The following ADGRF5 variants were observed in gnomAD, a reference collection of about 807,000 sequenced individuals.
ADGRF5 encodes the protein adhesion G protein-coupled receptor F5.
In ADGRF5, 75 loss-of-function variants were observed where a neutral mutation model predicts 132.3. The ratio of observed to expected loss-of-function variants is 0.57; its 90% confidence interval spans 0.47 to 0.69. The LOEUF is 0.69. Among genes scored for constraint, ADGRF5 ranks in the 30% least tolerant of loss-of-function variants. The pLI is 0.00. For missense variants in ADGRF5, 1,516 were observed against 1,630.6 expected (o/e 0.93, Z 1.21); for synonymous variants, 629 against 597.6 (o/e 1.05, Z -0.77).
chr6:46,863,684 A>G (rs1770051195), intron 14 of ADGRF5, among the ~76,000 whole-genome samples: 2 of 152,164 alleles, frequency 1.3e-5, no homozygotes, highest in Non-Finnish European at 2.9e-5. Flanking sequence ...TCTCATGTCC[A>G]GTGGACCCTG....
intron 1 of ADGRF5, among the ~76,000 whole-genome samples, chr6:46,910,059 C>A (rs1443767667): frequency 6.6e-6 from 1 of 151,718 alleles, no homozygotes. Context: ...ACAATCAGTG[C>A]TTAAGATCAA....
intron 1 of ADGRF5, among the ~76,000 whole-genome samples, chr6:46,931,421 G>T (rs1458580884): frequency 6.6e-6 from 1 of 152,146 alleles, no homozygotes; most frequent in Non-Finnish European, 1.5e-5. Flanking sequence ...AGCTCTCAGG[G>T]AGCTCCCTCA....
chr6:46,926,958 G>C (rs546481648), intron 1 of ADGRF5, among the ~76,000 whole-genome samples: 1 of 152,116 alleles, frequency 6.6e-6, no homozygotes. Context: ...TCCTGGGTGC[G>C]GGCACTCTCC....
At position 46,858,397 on chromosome 6, in the gene ADGRF5, G is replaced by A. The variant is rs745513552; in HGVS notation, c.3506C>T (p.Thr1169Ile). 5 of 1,613,974 alleles carry A rather than the reference G, an allele frequency of 3.1e-6. No homozygotes were observed. The highest frequency in any genetic ancestry group is 4.2e-6 in the Non-Finnish European group (5 of 1,179,880). Residue 1169 changes from threonine (T) to isoleucine (I), a missense_variant, in exon 17 of 21, where the codon ACC (threonine) becomes ATC (isoleucine). By Grantham distance (89) the Thr-to-Ile change is moderately conservative. Coordinates refer to ENST00000283296, the MANE Select transcript of ADGRF5 (RefSeq NM_001098518.2). ...KNVCWLNWED[T>I]KALLAFAIPA... ...GATGGCGAAAGCCAGCAGGGCCTTG[G>A]TGTCCTCCCAGTTGAGCCAACAGAC... is the stretch of plus-strand genomic sequence containing the variant.
In ADGRF5 at chr6:46,878,418, C is replaced by T. The variant is rs1305605575; in HGVS notation, c.1037-13G>A. On this transcript the variant is annotated splice_polypyrimidine_tract_variant and intron_variant, in intron 9 of 20. Transcript: ENST00000283296. ...CAAACATATTCACCTGCATAAAATACACAAAATCATGTATTATTATAACAC... is the reference window on the plus strand; with the variant it reads ...CAAACATATTCACCTGCATAAAATATACAAAATCATGTATTATTATAACAC... 16 of 1,483,616 alleles carry T rather than the reference C, an allele frequency of 1.1e-5. No individual in the cohort carries two copies. Among genetic ancestry groups the T allele is most frequent in the Non-Finnish European group, 1.4e-5 (15 of 1,064,260 alleles). The allele number at this position is 1,483,616 out of a possible 1,614,324, so 91.9% of individuals were successfully genotyped here.
intron 10 of ADGRF5, among the ~76,000 whole-genome samples, chr6:46,874,795 G>T (rs1275789527): frequency 6.6e-6 from 1 of 152,182 alleles, no homozygotes; most frequent in Non-Finnish European, 1.5e-5. Flanking sequence ...CTCCACTTTG[G>T]TCTGCTTTAC....
intron 3 of ADGRF5, among the ~76,000 whole-genome samples, chr6:46,896,314 C>T (rs1204844937): frequency 1.3e-5 from 2 of 152,140 alleles, no homozygotes; most frequent in African/African-American, 4.8e-5. Flanking sequence ...ACTCATTGTC[C>T]TAACAGGCAG....
intron 3 of ADGRF5, among the ~76,000 whole-genome samples, chr6:46,896,684 CATACATATGTG>C (rs1774213808): frequency 6.6e-6 from 1 of 151,390 alleles, no homozygotes; most frequent in African/African-American, 2.4e-5. Flanking sequence ...GTAAATGTGA[CATACATATGTG>C]ATACATATAT....
At chr6:46,925,265 T>C (rs1777190846), upstream of ADGRF5, among the ~76,000 whole-genome samples, 1 of 152,172 alleles carries the variant, frequency 6.6e-6, no homozygotes, top group Non-Finnish European at 1.5e-5. Flanking sequence ...ACAGATTTCC[T>C]CAAGACTCAC....
Position 46,884,128 on chromosome 6 carries a change from G to C in ADGRF5, c.472C>G (p.Pro158Ala). 1 of 1,614,088 alleles carries C rather than the reference G, an allele frequency of 6.2e-7. No individual in the cohort carries two copies. The highest frequency in any genetic ancestry group is 8.5e-7 in the Non-Finnish European group (1 of 1,179,944). Residue 158 changes from proline (P) to alanine (A), a missense_variant, in exon 5 of 21, where the codon CCT becomes GCT. Transcript: ENST00000283296. ...AGCAGGCAAAAAGGTCCATTGGGAGGCAGTTCTTTAAGGCAACTGCAATGG... is the reference window on the plus strand; with the variant it reads ...AGCAGGCAAAAAGGTCCATTGGGAGCCAGTTCTTTAAGGCAACTGCAATGG... ...GHHCSCLKEL[P>A]PNGPFCLLQE...
chr6:46,938,509 G>A (rs908155625), intron 1 of ADGRF5, among the ~76,000 whole-genome samples: 5 of 152,202 alleles, frequency 3.3e-5, no homozygotes, highest in Admixed American at 1.3e-4. Context: ...GGTCCTCTAA[G>A]CCAGTGATAA....
Position 46,884,288 on chromosome 6 carries a change from C to T in ADGRF5, c.329-17G>A. The T allele has an allele frequency of 6.3e-7, 1 of 1,596,632 alleles. No individual in the cohort carries two copies. Among genetic ancestry groups the T allele is most frequent in the Non-Finnish European group, 8.6e-7 (1 of 1,166,226 alleles). On this transcript the variant is annotated splice_polypyrimidine_tract_variant and intron_variant, in intron 4 of 20. Transcript: ENST00000283296. ...GTCTGCAGACTATCGTTAATCAGAA[C>T]AGCAAGGAGAGAGAAGGTGGAGAAG...
intron 1 of ADGRF5, among the ~76,000 whole-genome samples, chr6:46,913,686 G>A (rs1474945479): frequency 6.6e-6 from 1 of 152,134 alleles, no homozygotes; most frequent in Non-Finnish European, 1.5e-5. Context: ...TTTGGGGAGT[G>A]AGGACTTGGA....
chr6:46,931,407 C>A (rs1309814590), intron 1 of ADGRF5, among the ~76,000 whole-genome samples: 2 of 152,258 alleles, frequency 1.3e-5, no homozygotes, highest in African/African-American at 4.8e-5. Flanking sequence ...TTCTGCATCA[C>A]AGCAGCTCTC....
chr6:46,863,735 C>T (rs1770055556), intron 14 of ADGRF5, among the ~76,000 whole-genome samples: 1 of 152,052 alleles, frequency 6.6e-6, no homozygotes, highest in Non-Finnish European at 1.5e-5. Context: ...TTTTCTTTAA[C>T]ATTAAGATCT....
chr6:46,880,966 G>A (rs1772398583), intron 8 of ADGRF5, among the ~76,000 whole-genome samples: 1 of 151,974 alleles, frequency 6.6e-6, no homozygotes. Context: ...TGAGTATGGA[G>A]GTGTGCACCT....
chr6:46,879,437 A>C (rs1349043154), intron 9 of ADGRF5, among the ~76,000 whole-genome samples: 1 of 151,740 alleles, frequency 6.6e-6, no homozygotes, highest in Non-Finnish European at 1.5e-5. Context: ...TTCTCATGAG[A>C]TCTGATGGTT....
chr6:46,930,346 T>A (rs1777496137), intron 1 of ADGRF5, among the ~76,000 whole-genome samples: 1 of 152,198 alleles, frequency 6.6e-6, no homozygotes, highest in South Asian at 2.1e-4. Context: ...GGAGACAAAT[T>A]GCTTTAAGTG....
Position 46,853,322 on chromosome 6 carries a change from T to A in ADGRF5, c.*670A>T, listed in dbSNP as rs1268520604. 1 of 152,148 alleles carries A rather than the reference T, an allele frequency of 6.6e-6. No individual in the cohort carries two copies. Among genetic ancestry groups the A allele is most frequent in the East Asian group, 1.9e-4 (1 of 5,192 alleles). The allele number at this position is 152,148 out of a possible 1,614,324, so 9.4% of individuals were successfully genotyped here. A position where few individuals can be genotyped will look rare whatever the true frequency, so the allele number is the denominator to read the frequency against. On this transcript the variant is annotated 3_prime_UTR_variant, in exon 21 of 21. Transcript: ENST00000283296. ...TTCCTCCCTATTTTTTCAGCCTTTT[T>A]TTCCTCCTCTTAGCTAAGAAGACAT... is the stretch of plus-strand genomic sequence containing the variant.
Sources: allele counts gnomAD v4.1 joint callset (sites outside exome capture counted in the v4.1 genomes callset), GRCh38; gene constraint gnomAD v4.1.1; transcripts MANE v1.5; gene names NCBI Gene and HGNC (gene_info 2026-07-23, HGNC 2026-07-21).